The following PCDHA9 variants were observed in gnomAD, a reference collection of about 807,000 sequenced individuals.
PCDHA9 encodes the protein protocadherin alpha 9, also known as protocadherin alpha-9.
PCDHA9 carries 62 observed loss-of-function variants against 62.0 expected under a neutral mutation model. The ratio of observed to expected loss-of-function variants is 1.00; its 90% confidence interval spans 0.81 to 1.23. PCDHA9 has a LOEUF of 1.23. Ranked by LOEUF, PCDHA9 falls within the 50% of genes most tolerant of loss-of-function variation. The probability of loss-of-function intolerance (pLI) is 0.00; values close to 1 mark genes in which losing one functional copy is unlikely to be tolerated. For synonymous variants in PCDHA9, 557 were observed against 567.6 expected (o/e 0.98, Z 0.27); for missense variants, 1,205 against 1,249.8 (o/e 0.96, Z 0.54).
At chr5:140,884,204 C>T in intron 1 of PCDHA9, 1 of 1,613,500 alleles carries the variant, frequency 6.2e-7, no homozygotes, top group Non-Finnish European at 8.5e-7. Flanking sequence ...GCCGCACCAC[C>T]GCCTTCTGGT....
intron 1 of PCDHA9, chr5:140,966,328 C>T: frequency 5.1e-6 from 2 of 392,484 alleles, no homozygotes; most frequent in Non-Finnish European, 9.0e-6. Context: ...CGCTGGGATC[C>T]GGCAGGTCCA....
chr5:140,938,065 C>A (rs2091903151), intron 1 of PCDHA9, among the ~76,000 whole-genome samples: 1 of 152,094 alleles, frequency 6.6e-6, no homozygotes, highest in Admixed American at 6.5e-5. Context: ...TACTGTCATG[C>A]TATTCCCAAA....
chr5:141,002,284 A>T (rs1334096097), intron 3 of PCDHA9, among the ~76,000 whole-genome samples: 1 of 152,180 alleles, frequency 6.6e-6, no homozygotes, highest in Non-Finnish European at 1.5e-5. Flanking sequence ...CAAAGGGATG[A>T]ATGGGGAGCA....
chr5:140,911,509 A>G (rs1378667100), intron 1 of PCDHA9, among the ~76,000 whole-genome samples: 1 of 152,214 alleles, frequency 6.6e-6, no homozygotes, highest in Admixed American at 6.5e-5. Flanking sequence ...GAGGTTCAGT[A>G]TCTGCTTCTG....
chr5:140,885,293 G>C (rs945786135), intron 1 of PCDHA9, among the ~76,000 whole-genome samples: 8 of 152,122 alleles, frequency 5.3e-5, no homozygotes, highest in Non-Finnish European at 1.5e-5. Context: ...TATAGAGAGA[G>C]ACCTGGTAGG....
At position 140,848,388 on chromosome 5, in the gene PCDHA9, TC is replaced by T; in HGVS notation, c.-107del. On this transcript the variant is annotated 5_prime_UTR_variant, in exon 1 of 4. Coordinates refer to ENST00000532602, the MANE Select transcript of PCDHA9 (RefSeq NM_031857.2). ...AGAGGCTCAATTCTTTTTCACTCTC[TC>T]TGTGCTGAACGATGGCGAACACAGC... The T allele has an allele frequency of 8.2e-7, 1 of 1,225,380 alleles. No individual in the cohort carries two copies. The highest frequency in any genetic ancestry group is 1.2e-6 in the Non-Finnish European group (1 of 868,592). 75.9% of individuals were successfully genotyped at this position (1,225,380 alleles called of 1,614,324 possible).
intron 1 of PCDHA9, chr5:140,969,130 C>A (rs1353677478): frequency 2.5e-6 from 4 of 1,614,132 alleles, no homozygotes; most frequent in Non-Finnish European, 1.7e-6. Context: ...GCTCCCTCAC[C>A]AAGACCTACT....
At chr5:140,982,312 T>C in intron 2 of PCDHA9, 163 bp from the exon 3 acceptor site, 1 of 1,315,948 alleles carries the variant, frequency 7.6e-7, no homozygotes, top group Non-Finnish European at 1.0e-6. Context: ...TTCTGCAGTT[T>C]ATGCAGGGTG....
At chr5:140,901,161 G>A (rs1554189608) in intron 1 of PCDHA9, among the ~76,000 whole-genome samples, 1 of 152,084 alleles carries the variant, frequency 6.6e-6, no homozygotes, top group African/African-American at 2.4e-5. Flanking sequence ...TCTGTGGGTT[G>A]TCTCTTCACT....
At chr5:141,000,391 CTCTCTATATATA>C (rs1452985170) in intron 3 of PCDHA9, among the ~76,000 whole-genome samples, 26 of 56,648 alleles carry the variant, frequency 4.6e-4, no homozygotes, top group Middle Eastern at 0.011. Flanking sequence ...CTCTCTCTCT[CTCTCTATATATA>C]TATATATATA....
chr5:140,985,878 T>A (rs891027308), intron 3 of PCDHA9, among the ~76,000 whole-genome samples: 1 of 151,822 alleles, frequency 6.6e-6, no homozygotes, highest in South Asian at 2.1e-4. Flanking sequence ...TAGCTGGGAC[T>A]ACAGGCGCCC....
At chr5:140,878,562 T>C (rs2057643889) in intron 1 of PCDHA9, among the ~76,000 whole-genome samples, 1 of 152,210 alleles carries the variant, frequency 6.6e-6, no homozygotes, top group Non-Finnish European at 1.5e-5. Context: ...CCCAAACTTA[T>C]CATAGTATAC....
At chr5:140,985,981 C>T (rs966841419) in intron 3 of PCDHA9, among the ~76,000 whole-genome samples, 18 of 152,140 alleles carry the variant, frequency 1.2e-4, no homozygotes, top group Middle Eastern at 6.8e-3. Context: ...CCTCGTGATC[C>T]GCCCACCTCA....
chr5:140,966,826 G>T, intron 1 of PCDHA9: 5 of 1,560,694 alleles, frequency 3.2e-6, no homozygotes, highest in Non-Finnish European at 4.3e-6. Context: ...GGCGGCCCAT[G>T]CCCTGGCTGC....
At position 140,852,582 on chromosome 5, in the gene PCDHA9, A is replaced by ATTT. The variant is rs527656692; in HGVS notation, c.2394+1703_2394+1705dup. The ATTT allele has an allele frequency of 5.4e-4, 378 of 693,802 alleles. 2 individuals carry two copies. The highest frequency in any genetic ancestry group is 7.4e-4 in the Middle Eastern group (1 of 1,344). The allele number at this position is 693,802 out of a possible 1,614,324, so 43.0% of individuals were successfully genotyped here. On this transcript the variant is annotated intron_variant, in intron 1 of 3. Coordinates refer to ENST00000532602, the MANE Select transcript of PCDHA9 (RefSeq NM_031857.2). ...TGAGCCACTGTGCCAAGGCTTTTTTATTTTTTTTTTTTGTCATTTTCTTTC... is the reference window on the plus strand; with the variant it reads ...TGAGCCACTGTGCCAAGGCTTTTTTATTTTTTTTTTTTTTTGTCATTTTCTTTC...
At position 140,883,732 on chromosome 5, in the gene PCDHA9, G is replaced by T. The variant is rs17844355; in HGVS notation, c.2394+32843G>T. The stretch of plus-strand genomic sequence containing the variant: ...AGGACGCGGACGCACAGGAGAACGC[G>T]CTGGTCTCCTACTCGCTGGTGGAGC... On this transcript the variant is annotated intron_variant, in intron 1 of 3. Transcript: ENST00000532602. The T allele has an allele frequency of 3.9e-4, 630 of 1,613,452 alleles. 2 individuals are homozygous for T. The East Asian group carries it at 0.013, about 33-fold the overall frequency.
chr5:140,864,821 G>A (rs575763318), intron 1 of PCDHA9: 20 of 152,124 alleles, frequency 1.3e-4, no homozygotes, highest in Middle Eastern at 3.4e-3. Flanking sequence ...CACTTATTTG[G>A]GCTTTAAGTA....
At position 140,850,728 on chromosome 5, in the gene PCDHA9, G is replaced by T. The variant is rs2150496245; in HGVS notation, c.2233G>T (p.Val745Leu). The T allele has an allele frequency of 4.2e-5, 67 of 1,598,072 alleles. 6 individuals are homozygous for T. The highest frequency in any genetic ancestry group is 5.7e-5 in the Non-Finnish European group (66 of 1,167,642). The change falls in exon 1 of 4, where the codon GTG (valine) becomes TTG (leucine). Residue 745 changes from valine (V) to leucine (L), a missense_variant. This residue lies in a region of PCDHA9 where 887 missense variants were observed against 809.5 expected (regional missense o/e 1.10). Transcript: ENST00000532602. ...GCCGACGCTGGTGTGTTCTAGCGCGGTGGGGAGTTGGTCGTACTCGCAGCA... is the reference window on the plus strand; with the variant it reads ...GCCGACGCTGGTGTGTTCTAGCGCGTTGGGGAGTTGGTCGTACTCGCAGCA... ...GKPTLVCSSA[V>L]GSWSYSQQRR...
intron 1 of PCDHA9, among the ~76,000 whole-genome samples, chr5:140,890,494 C>A (rs1554184398): frequency 1.3e-5 from 2 of 152,064 alleles, no homozygotes; most frequent in South Asian, 4.1e-4. Context: ...TTTGTCTCAC[C>A]ATTTTTATGT....
Sources: gnomAD v4.1 joint callset for allele counts (sites outside exome capture counted in the v4.1 genomes callset) on GRCh38, gnomAD v4.1.1 for gene constraint, gnomAD v4.1.1 regional missense constraint, MANE v1.5 for transcripts, NCBI Gene and HGNC (gene_info 2026-07-23, HGNC 2026-07-21) for gene names.